The following TRHDE variants were observed in gnomAD, a reference collection of about 807,000 sequenced individuals.
TRHDE encodes the protein thyrotropin-releasing hormone-degrading ectoenzyme.
Under a neutral mutation model 125.7 loss-of-function variants are expected in TRHDE, and 72 were observed. The ratio of observed to expected loss-of-function variants is 0.57; its 90% CI spans 0.47 to 0.70. The LOEUF is 0.70. Among genes scored for constraint, TRHDE ranks in the 30% least tolerant of loss-of-function variants. The pLI is 0.00. For synonymous variants in TRHDE, 509 were observed against 509.1 expected, an observed-to-expected ratio of 1.00 and a Z score of 0.00; for missense variants, 1,110 against 1,327.1, an observed-to-expected ratio of 0.84 and a Z score of 2.54.
intron 6 of TRHDE, among the ~76,000 whole-genome samples, chr12:72,513,367 G>A (rs1389126242): frequency 6.6e-6 from 1 of 151,984 alleles, no homozygotes. Context: ...TTTGGCCCAA[G>A]TATTATTTTC....
chr12:72,093,382 A>C (rs1874836702), intron 1 of TRHDE, among the ~76,000 whole-genome samples: 1 of 152,118 alleles, frequency 6.6e-6, no homozygotes, highest in African/African-American at 2.4e-5. Flanking sequence ...AGAGTTGTGA[A>C]GTTTTCAGTC....
At chr12:72,224,134 CTATCTATTTATCTATG>C (rs1333728639) in intron 2 of TRHDE, among the ~76,000 whole-genome samples, 31 of 79,862 alleles carry the variant, frequency 3.9e-4, no homozygotes, top group African/African-American at 9.6e-4. Flanking sequence ...ATCTATCTAT[CTATCTATTTATCTATG>C]TATGTATGTA....
At chr12:72,425,019 C>T (rs1874124741) in intron 3 of TRHDE, among the ~76,000 whole-genome samples, 1 of 152,056 alleles carries the variant, frequency 6.6e-6, no homozygotes, top group South Asian at 2.1e-4. Context: ...ACTGTAGTTA[C>T]TATAAAAACT....
intron 15 of TRHDE, among the ~76,000 whole-genome samples, chr12:72,642,933 G>A (rs910247630): frequency 6.6e-6 from 1 of 152,128 alleles, no homozygotes; most frequent in African/African-American, 2.4e-5. Context: ...TGTCCCTAGA[G>A]CAATCATTTT....
intron 5 of TRHDE, among the ~76,000 whole-genome samples, chr12:72,480,789 G>T (rs1297776124): frequency 6.6e-6 from 1 of 152,004 alleles, no homozygotes; most frequent in Non-Finnish European, 1.5e-5. Flanking sequence ...ATTCCAGTTT[G>T]CTAAAAAACT....
At chr12:72,330,612 A>G (rs1488229467) in intron 2 of TRHDE, among the ~76,000 whole-genome samples, 1 of 152,176 alleles carries the variant, frequency 6.6e-6, no homozygotes, top group East Asian at 1.9e-4. Context: ...AGCTTGGAGC[A>G]CTCTCAAAGG....
intron 2 of TRHDE, among the ~76,000 whole-genome samples, chr12:72,293,626 A>T (rs1412114506): frequency 6.6e-6 from 1 of 152,174 alleles, no homozygotes; most frequent in Non-Finnish European, 1.5e-5. Context: ...TTAATTCCCA[A>T]ACTCATAGGG....
chr12:72,615,662 G>A (rs1041777966), intron 12 of TRHDE, among the ~76,000 whole-genome samples: 1 of 152,112 alleles, frequency 6.6e-6, no homozygotes, highest in Non-Finnish European at 1.5e-5. Flanking sequence ...TATCACAGCA[G>A]AAGGAGGGCA....
At chr12:72,653,707 TATAAG>T (rs1244325963) in intron 17 of TRHDE, among the ~76,000 whole-genome samples, 4 of 152,138 alleles carry the variant, frequency 2.6e-5, no homozygotes, top group African/African-American at 9.6e-5. Flanking sequence ...GCCTCAATTT[TATAAG>T]ATATTTCATT....
chr12:72,097,981 C>A (rs1364408224), intron 1 of TRHDE, among the ~76,000 whole-genome samples: 1 of 152,128 alleles, frequency 6.6e-6, no homozygotes, highest in Non-Finnish European at 1.5e-5. Context: ...ATGGCCTCAG[C>A]ATGAATTGAT....
chr12:72,249,534 T>C (rs1039773195), intron 2 of TRHDE, among the ~76,000 whole-genome samples: 1 of 151,996 alleles, frequency 6.6e-6, no homozygotes, highest in Non-Finnish European at 1.5e-5. Context: ...TAAAAAGACA[T>C]ATGGAAGCTG....
In TRHDE at chr12:72,665,753, G is replaced by A. The variant is rs1373333672; in HGVS notation, c.*2558G>A. The A allele has an allele frequency of 1.3e-5, 2 of 151,902 alleles. No individual in the cohort carries two copies. Among genetic ancestry groups the A allele is most frequent in the Non-Finnish European group, 2.9e-5 (2 of 67,964 alleles). 9.4% of individuals were successfully genotyped at this position (151,902 alleles called of 1,614,324 possible). A position where few individuals can be genotyped will look rare whatever the true frequency, so the allele number is the denominator to read the frequency against. Reference sequence around the variant, plus strand: ...CCATAGCAATTTGCTGTGCCAATATGTGTACAAAAAAGTAGTTTCAATTAG... The same window carrying A: ...CCATAGCAATTTGCTGTGCCAATATATGTACAAAAAAGTAGTTTCAATTAG... On this transcript the variant is annotated 3_prime_UTR_variant, in exon 19 of 19. Transcript: ENST00000261180.
intron 18 of TRHDE, among the ~76,000 whole-genome samples, chr12:72,658,438 C>T (rs990934519): frequency 7.9e-5 from 12 of 152,122 alleles, no homozygotes; most frequent in South Asian, 2.1e-4. Context: ...TTGCTTCCTT[C>T]GTTCTCTGTG....
chr12:72,260,493 C>T lies in TRHDE; in HGVS notation n.280-117502C>T, dbSNP rs142066601. Among the ~76,000 whole-genome samples the T allele has an allele frequency of 4.4e-3, 673 of 152,142 alleles. 6 individuals are homozygous for T. Among genetic ancestry groups the T allele is most frequent in the African/African-American group, 0.015 (638 of 41,522 alleles). On this transcript the variant is annotated intron_variant and non_coding_transcript_variant, in intron 2 of 4. Coordinates refer to the TRHDE transcript ENST00000548156. ...GTGGCTCACTGGGAGCAACTGGACA[C>T]GGGAGCAACAATGCCTGAGCAGCAG...
intron 3 of TRHDE, among the ~76,000 whole-genome samples, chr12:72,400,344 C>T (rs1310497824): frequency 6.6e-6 from 1 of 152,108 alleles, no homozygotes; most frequent in Non-Finnish European, 1.5e-5. Context: ...GTATTAATTA[C>T]TGTTGGTACG....
intron 2 of TRHDE, among the ~76,000 whole-genome samples, chr12:72,213,357 A>G (rs751858296): frequency 3.3e-5 from 5 of 152,150 alleles, no homozygotes; most frequent in Non-Finnish European, 5.9e-5. Flanking sequence ...TGAATTATAT[A>G]TCAATAAAGC....
chr12:72,632,480 T>G (rs1239666638), intron 15 of TRHDE, among the ~76,000 whole-genome samples: 1 of 151,936 alleles, frequency 6.6e-6, no homozygotes, highest in Non-Finnish European at 1.5e-5. Context: ...TATCAGCCAT[T>G]TCACAACTTC....
intron 3 of TRHDE, among the ~76,000 whole-genome samples, chr12:72,464,249 A>G (rs1876262909): frequency 1.3e-5 from 2 of 152,190 alleles, no homozygotes; most frequent in African/African-American, 4.8e-5. Context: ...AAAGAAAATA[A>G]GTAGTAGAGT....
intron 2 of TRHDE, among the ~76,000 whole-genome samples, chr12:72,238,279 TA>T (rs1229263473): frequency 0.056 from 621 of 11,136 alleles, 37 homozygotes; most frequent in African/African-American, 0.24. Flanking sequence ...ATCCTTAATA[TA>T]TATATATATA....
Sources: allele counts gnomAD v4.1 joint callset (sites outside exome capture counted in the v4.1 genomes callset), GRCh38; gene constraint gnomAD v4.1.1; transcripts MANE v1.5; gene names NCBI Gene and HGNC (gene_info 2026-07-23, HGNC 2026-07-21).